The following NCR3LG1 variants were observed in gnomAD, a reference collection of about 807,000 sequenced individuals.
NCR3LG1 encodes natural killer cell cytotoxicity receptor 3 ligand 1, also known as natural cytotoxicity triggering receptor 3 ligand 1.
Under a neutral mutation model 34.8 loss-of-function variants are expected in NCR3LG1, and 35 were observed. The observed-to-expected ratio is 1.01, with a 90% confidence interval of 0.77 to 1.33. The LOEUF is 1.33. Ranked by LOEUF, NCR3LG1 falls within the 40% of genes most tolerant of loss-of-function variation. The probability of loss-of-function intolerance (pLI) is 0.00; values close to 1 mark genes in which losing one functional copy is unlikely to be tolerated. For synonymous variants in NCR3LG1, 173 were observed against 163.6 expected (o/e 1.06, Z -0.44); for missense variants, 452 against 423.3 (o/e 1.07, Z -0.60).
intron 4 of NCR3LG1, among the ~76,000 whole-genome samples, chr11:17,370,263 C>T (rs143276027): frequency 2.6e-5 from 4 of 152,190 alleles, no homozygotes; most frequent in African/African-American, 9.7e-5. Flanking sequence ...ACTTCAACTT[C>T]ATCTTTGGGG....
rs1953307729 is a variant in NCR3LG1 at position 17,363,528 on chromosome 11, C to G, written c.422-3481C>G. ...CCTCCCTCCCTCCCTCCCTCCCTCC[C>G]TCCCTCCCTCCCTCCCTTCCTTCCT... On this transcript the variant is annotated intron_variant, in intron 2 of 4. Coordinates refer to ENST00000338965, the MANE Select transcript of NCR3LG1 (RefSeq NM_001202439.3). Among the ~76,000 whole-genome samples the G allele has an allele frequency of 2.2e-5, 2 of 92,528 alleles. 1 individual carries two copies. Among genetic ancestry groups the G allele is most frequent in the Non-Finnish European group, 4.1e-5 (2 of 48,746 alleles). 60.7% of individuals were successfully genotyped at this position (92,528 alleles called of 152,430 possible).
Position 17,372,312 on chromosome 11 carries a change from C to G in NCR3LG1, c.1165C>G (p.Leu389Val). The change falls in exon 5 of 5, where the codon CTC (leucine) becomes GTC (valine). Residue 389 changes from leucine to valine, a missense_variant. Coordinates refer to ENST00000338965, the MANE Select transcript of NCR3LG1 (RefSeq NM_001202439.3). ...TCAGTGTTGTAGAATTGACCCTGCTCTCCTAACAGTTACATCAGGCAAGTC... is the reference window on the plus strand; with the variant it reads ...TCAGTGTTGTAGAATTGACCCTGCTGTCCTAACAGTTACATCAGGCAAGTC... ...LCQCCRIDPA[L>V]LTVTSGKSID... 2.8e-6 allele frequency: 2 copies of G among 703,108 alleles called. No homozygotes were observed. The highest frequency in any genetic ancestry group is 1.5e-5 in the South Asian group (1 of 67,606). The allele number at this position is 703,108 out of a possible 1,614,324, so 43.6% of individuals were successfully genotyped here. A position where few individuals can be genotyped will look rare whatever the true frequency, so the allele number is the denominator to read the frequency against.
rs1565501652 is a variant in NCR3LG1 at position 17,357,001 on chromosome 11, GGTGA to G, written c.421+4_421+7del. Reference sequence around the variant, plus strand: ...GGGAACAGTCCAGCTTGAAGTTGTGGGTGAGTGTCTCGGGGCAGTGCCCTACAGT... The same window carrying G: ...GGGAACAGTCCAGCTTGAAGTTGTGGGTGTCTCGGGGCAGTGCCCTACAGT... On this transcript the variant is annotated splice_donor_variant and splice_donor_region_variant and intron_variant, in intron 2 of 4. Coordinates refer to ENST00000338965, the MANE Select transcript of NCR3LG1 (RefSeq NM_001202439.3). LOFTEE classifies it high-confidence loss of function. 6.6e-7 allele frequency: 1 copy of G among 1,510,182 alleles called. No homozygotes were observed. 93.5% of individuals were successfully genotyped at this position (1,510,182 alleles called of 1,614,324 possible).
At chr11:17,363,534 CCCTCCCTCCCTT>C (rs1237914191) in intron 2 of NCR3LG1, among the ~76,000 whole-genome samples, 2 of 79,644 alleles carry the variant, frequency 2.5e-5, no homozygotes, top group Admixed American at 1.4e-4. Context: ...CTCCCTCCCT[CCCTCCCTCCCTT>C]CCTTCCTTCC....
chr11:17,366,946 T>C, intron 2 of NCR3LG1, 63 bp from the exon 3 acceptor site: 1 of 1,218,372 alleles, frequency 8.2e-7, no homozygotes, highest in Non-Finnish European at 1.1e-6. Context: ...CCAGTTAGCA[T>C]AAGGTGTGGT....
chr11:17,365,646 C>A (rs900109595), intron 2 of NCR3LG1, among the ~76,000 whole-genome samples: 1 of 152,162 alleles, frequency 6.6e-6, no homozygotes, highest in Non-Finnish European at 1.5e-5. Flanking sequence ...TTCTTTCCAT[C>A]CCCCAGAAAG....
intron 1 of NCR3LG1, among the ~76,000 whole-genome samples, chr11:17,352,257 T>C (rs1287964099): frequency 1.4e-5 from 2 of 144,162 alleles, no homozygotes; most frequent in Non-Finnish European, 3.0e-5. Flanking sequence ...CTCGGCTCAC[T>C]GCAAGCTCCG....
chr11:17,367,960 A>G (rs1953365391), intron 3 of NCR3LG1, among the ~76,000 whole-genome samples: 1 of 152,020 alleles, frequency 6.6e-6, no homozygotes, highest in Non-Finnish European at 1.5e-5. Flanking sequence ...CTGGGACTAC[A>G]GGCATGCACC....
Position 17,351,978 on chromosome 11 carries a change from G to T in NCR3LG1, c.9G>T (p.Trp3Cys). 1 of 1,527,710 alleles carries T rather than the reference G, an allele frequency of 6.5e-7. No individual in the cohort carries two copies. The highest frequency in any genetic ancestry group is 8.7e-7 in the Non-Finnish European group (1 of 1,142,868). The allele number at this position is 1,527,710 out of a possible 1,614,324, so 94.6% of individuals were successfully genotyped here. ...CAACAGCAGCCGCGGCGATGACGTG[G>T]AGGGCTGCCGCCTCCACGTGCGCGG... MT[W>C]RAAASTCAAL... The change falls in exon 1 of 5, where the codon TGG becomes TGT. Residue 3 changes from tryptophan (W) to cysteine (C), a missense_variant. Trp to Cys is a radical substitution (Grantham distance 215, BLOSUM62 -2). Coordinates refer to ENST00000338965, the MANE Select transcript of NCR3LG1 (RefSeq NM_001202439.3).
rs950328392 is a variant in NCR3LG1, at chr11:17,375,845, A to G, written c.*3333A>G. On this transcript the variant is annotated 3_prime_UTR_variant, in exon 5 of 5. Coordinates refer to ENST00000338965, the MANE Select transcript of NCR3LG1 (RefSeq NM_001202439.3). ...TACATAAGGGAAATAAAGCCTCAGT[A>G]TTCCCCTACAGAGATAGAATGGGCC... is the stretch of plus-strand genomic sequence containing the variant. 1.3e-5 allele frequency: 2 copies of G among 152,174 alleles called. No individual in the cohort carries two copies. Among genetic ancestry groups the G allele is most frequent in the African/African-American group, 2.4e-5 (1 of 41,444 alleles). The allele number at this position is 152,174 out of a possible 1,614,324, so 9.4% of individuals were successfully genotyped here. A position where few individuals can be genotyped will look rare whatever the true frequency, so the allele number is the denominator to read the frequency against.
At chr11:17,378,909 G>C (rs1235139228), downstream of NCR3LG1, among the ~76,000 whole-genome samples, 1 of 152,282 alleles carries the variant, frequency 6.6e-6, no homozygotes, top group East Asian at 1.9e-4. Context: ...TCCATTCCCT[G>C]AGACATGCGC....
rs910928655 is a variant in NCR3LG1 at position 17,375,580 on chromosome 11, T to C, written c.*3068T>C. The stretch of plus-strand genomic sequence containing the variant: ...AGTTCTCCTTGCCCATGCTGCCATC[T>C]GAAAGGAAAGGCACTTCCTCACCGC... On this transcript the variant is annotated 3_prime_UTR_variant, in exon 5 of 5. Coordinates refer to ENST00000338965, the MANE Select transcript of NCR3LG1 (RefSeq NM_001202439.3). The C allele has an allele frequency of 2.0e-5, 3 of 152,264 alleles. No homozygotes were observed. The highest frequency in any genetic ancestry group is 7.2e-5 in the African/African-American group (3 of 41,468). The allele number at this position is 152,264 out of a possible 1,614,324, so 9.4% of individuals were successfully genotyped here. A position where few individuals can be genotyped will look rare whatever the true frequency, so the allele number is the denominator to read the frequency against.
At chr11:17,355,627 CAG>C (rs1249755366) in intron 1 of NCR3LG1, among the ~76,000 whole-genome samples, 1 of 152,138 alleles carries the variant, frequency 6.6e-6, no homozygotes, top group African/African-American at 2.4e-5. Context: ...GTGGCTTAAA[CAG>C]AAATTTATTT....
Position 17,375,982 on chromosome 11 carries a change from T to G in NCR3LG1, c.*3470T>G, listed in dbSNP as rs540410076. On this transcript the variant is annotated 3_prime_UTR_variant, in exon 5 of 5. Transcript: ENST00000338965. ...ATTCTTAAAATCCTCCACTGAGCCT[T>G]TCACTTAGGAAAGCATAAGACATCA... 6.6e-6 allele frequency: 1 copy of G among 152,310 alleles called. No homozygotes were observed. The highest frequency in any genetic ancestry group is 6.5e-5 in the Admixed American group (1 of 15,300). The allele number at this position is 152,310 out of a possible 1,614,324, so 9.4% of individuals were successfully genotyped here.
intron 2 of NCR3LG1, among the ~76,000 whole-genome samples, chr11:17,360,963 T>C (rs868710287): frequency 6.6e-6 from 1 of 152,004 alleles, no homozygotes; most frequent in African/African-American, 2.4e-5. Flanking sequence ...CTGGAACTTC[T>C]GAGCTCGAGT....
rs1168177260 is a variant in NCR3LG1, at chr11:17,356,893, G to A, written c.313G>A (p.Ala105Thr). The change falls in exon 2 of 5, where the codon GCC (alanine) becomes ACC (threonine). Residue 105 changes from alanine to threonine, a missense_variant. By Grantham distance (58) the Ala-to-Thr change is moderately conservative. Coordinates refer to ENST00000338965, the MANE Select transcript of NCR3LG1 (RefSeq NM_001202439.3). ...VSPWRLKSGD[A>T]SLRLPGIQLE... ...TCCATGGAGGCTGAAGAGTGGGGAC[G>A]CCTCACTGCGGCTGCCTGGAATCCA... 3.3e-6 allele frequency: 5 copies of A among 1,536,012 alleles called. No individual in the cohort carries two copies. Among genetic ancestry groups the A allele is most frequent in the Non-Finnish European group, 3.5e-6 (4 of 1,146,910 alleles).
chr11:17,353,798 A>T (rs1162707464), intron 1 of NCR3LG1, among the ~76,000 whole-genome samples: 1 of 152,126 alleles, frequency 6.6e-6, no homozygotes, highest in Admixed American at 6.5e-5. Context: ...TGAGGGTCGG[A>T]CCCCAGAACC....
downstream of NCR3LG1, among the ~76,000 whole-genome samples, chr11:17,380,392 G>T (rs1953507573): frequency 2.0e-5 from 3 of 152,140 alleles, 1 homozygote; most frequent in South Asian, 6.2e-4. Flanking sequence ...CTCCAGGGTT[G>T]ATGCCCACTT....
chr11:17,380,871 G>T (rs1436011693), downstream of NCR3LG1: 1 of 152,138 alleles, frequency 6.6e-6, no homozygotes, highest in Non-Finnish European at 1.5e-5. Flanking sequence ...GAAGTGTTTG[G>T]TCTTTATTTA....
Sources: allele counts gnomAD v4.1 joint callset (sites outside exome capture counted in the v4.1 genomes callset), GRCh38; gene constraint gnomAD v4.1.1; transcripts MANE v1.5; gene names NCBI Gene and HGNC (gene_info 2026-07-23, HGNC 2026-07-21).